RALYL: variants seen among roughly 807,000 people sequenced by gnomAD.
RALYL encodes the protein RNA-binding Raly-like protein.
RALYL carries 29 observed loss-of-function variants against 35.1 expected under a neutral mutation model. That is an observed-to-expected ratio of 0.83 (90% CI 0.61 to 1.13). RALYL has a LOEUF of 1.13. Ranked by LOEUF, RALYL falls within the 50% of genes most tolerant of loss-of-function variation. RALYL has a pLI of 0.00. For missense variants in RALYL, 359 were observed against 360.4 expected (o/e 1.00, Z 0.03); for synonymous variants, 120 against 127.6 (o/e 0.94, Z 0.40).
intron 2 of RALYL, among the ~76,000 whole-genome samples, chr8:84,539,863 T>C (rs1426890594): frequency 4.7e-5 from 4 of 85,002 alleles, no homozygotes; most frequent in Non-Finnish European, 9.6e-5. Context: ...TGTATATATA[T>C]ATATATATAT....
chr8:84,818,598 A>T (rs190175637), intron 4 of RALYL, among the ~76,000 whole-genome samples: 13 of 152,302 alleles, frequency 8.5e-5, no homozygotes, highest in Admixed American at 7.8e-4. Context: ...AAATTCAGGG[A>T]GAATCTGTAT....
chr8:84,677,026 T>C (rs1834354216), intron 2 of RALYL, among the ~76,000 whole-genome samples: 1 of 152,056 alleles, frequency 6.6e-6, no homozygotes, highest in African/African-American at 2.4e-5. Context: ...GGTCTCGAAC[T>C]CCCAACCTCA....
intron 2 of RALYL, among the ~76,000 whole-genome samples, chr8:84,636,277 T>C (rs1482648659): frequency 2.0e-5 from 3 of 151,782 alleles, no homozygotes; most frequent in African/African-American, 7.2e-5. Flanking sequence ...ATGTGGAATT[T>C]ATCACCCTTA....
At chr8:84,841,208 G>A (rs1044755844) in intron 4 of RALYL, among the ~76,000 whole-genome samples, 22 of 152,150 alleles carry the variant, frequency 1.4e-4, no homozygotes, top group Non-Finnish European at 2.8e-4. Context: ...TCAGTGTGCT[G>A]TATTCAGGAA....
chr8:84,918,184 A>T (rs1260375796), intron 8 of RALYL, among the ~76,000 whole-genome samples: 1 of 152,118 alleles, frequency 6.6e-6, no homozygotes, highest in Admixed American at 6.6e-5. Flanking sequence ...TAGAACAAAA[A>T]TAACAAGCAT....
rs182699107 is a variant in RALYL, at chr8:84,262,734, T to A, written c.-24+78310T>A. On this transcript the variant is annotated intron_variant, in intron 1 of 8. Coordinates refer to ENST00000521268, the MANE Select transcript of RALYL (RefSeq NM_173848.7). ...TATTAATGGGTCATGAAATCAACTT[T>A]GTTGGTTAAACTTGGCATTACCAAA... 7.2e-4 allele frequency among the ~76,000 whole-genome samples: 109 copies of A among 152,272 alleles called. 1 individual carries two copies. Among genetic ancestry groups the A allele is most frequent in the Admixed American group, 4.9e-3 (75 of 15,284 alleles).
chr8:84,443,234 C>A (rs1451934945), intron 1 of RALYL, among the ~76,000 whole-genome samples: 1 of 152,096 alleles, frequency 6.6e-6, no homozygotes, highest in Non-Finnish European at 1.5e-5. Flanking sequence ...TACCACCTAA[C>A]AAAGAGCTAG....
intron 1 of RALYL, among the ~76,000 whole-genome samples, chr8:84,338,864 A>T (rs1848282563): frequency 6.6e-6 from 1 of 152,146 alleles, no homozygotes; most frequent in South Asian, 2.1e-4. Context: ...TTTCCAAAAG[A>T]GTTTTATTTT....
chr8:84,728,874 G>A (rs1449707783), intron 2 of RALYL, among the ~76,000 whole-genome samples: 2 of 152,128 alleles, frequency 1.3e-5, no homozygotes, highest in African/African-American at 2.4e-5. Flanking sequence ...TTTGGTTACT[G>A]TAGCCTTGTA....
At chr8:84,818,558 A>T (rs186870205) in intron 4 of RALYL, among the ~76,000 whole-genome samples, 9 of 152,316 alleles carry the variant, frequency 5.9e-5, no homozygotes, top group Admixed American at 3.9e-4. Flanking sequence ...AGCTAGGAAG[A>T]TTCAGGAAAA....
At chr8:84,787,084 C>T (rs1314845190) in intron 3 of RALYL, among the ~76,000 whole-genome samples, 2 of 152,218 alleles carry the variant, frequency 1.3e-5, no homozygotes, top group Middle Eastern at 3.4e-3. Context: ...TAGGTATACA[C>T]ATGCTATGGT....
intron 2 of RALYL, among the ~76,000 whole-genome samples, chr8:84,594,521 G>C (rs944670265): frequency 5.3e-5 from 8 of 151,766 alleles, no homozygotes; most frequent in Non-Finnish European, 8.8e-5. Context: ...TATTTATATT[G>C]TTATTAATAA....
chr8:84,467,008 T>A (rs2051782522), intron 1 of RALYL, among the ~76,000 whole-genome samples: 1 of 152,240 alleles, frequency 6.6e-6, no homozygotes, highest in South Asian at 2.1e-4. Flanking sequence ...TCATTTTTTA[T>A]TGCATCTGTT....
intron 2 of RALYL, among the ~76,000 whole-genome samples, chr8:84,604,154 A>C (rs1468604616): frequency 6.6e-6 from 1 of 152,114 alleles, no homozygotes; most frequent in Non-Finnish European, 1.5e-5. Context: ...TTCTGACAGC[A>C]CAGCTTTAGA....
intron 1 of RALYL, among the ~76,000 whole-genome samples, chr8:84,377,466 T>C (rs1402701066): frequency 4.1e-5 from 6 of 147,672 alleles, no homozygotes; most frequent in Non-Finnish European, 8.9e-5. Flanking sequence ...TTTTTTTTTT[T>C]TTTTTTTTTC....
chr8:84,845,834 T>G (rs746019112), intron 4 of RALYL, among the ~76,000 whole-genome samples: 3 of 152,192 alleles, frequency 2.0e-5, no homozygotes, highest in Non-Finnish European at 2.9e-5. Context: ...TGGTGAAAGG[T>G]TGTGGTCTAG....
chr8:84,465,223 A>G (rs1339531993), intron 1 of RALYL, among the ~76,000 whole-genome samples: 53 of 122,526 alleles, frequency 4.3e-4, no homozygotes, highest in Middle Eastern at 3.9e-3. Context: ...GCCCATGCCT[A>G]TGTCCTGAAT....
In RALYL at chr8:84,497,498, T is replaced by C. The variant is rs995875174; in HGVS notation, c.-23-31801T>C. ...GGGTAGAGAAATTAACTTTCCACTT[T>C]TCATAATATGCCAAATTTCTAAGAT... On this transcript the variant is annotated intron_variant, in intron 1 of 8. Coordinates refer to ENST00000521268, the MANE Select transcript of RALYL (RefSeq NM_173848.7). 2.6e-5 allele frequency among the ~76,000 whole-genome samples: 4 copies of C among 152,148 alleles called. No individual in the cohort carries two copies. The East Asian group carries it at 5.8e-4, about 22-fold the overall frequency.
intron 1 of RALYL, among the ~76,000 whole-genome samples, chr8:84,384,694 T>C (rs186836416): frequency 2.4e-4 from 37 of 151,884 alleles, no homozygotes; most frequent in Admixed American, 2.1e-3. Flanking sequence ...TTTTTCTTAC[T>C]CTGTGAATTC....
Sources: allele counts gnomAD v4.1 joint callset (sites outside exome capture counted in the v4.1 genomes callset), GRCh38; gene constraint gnomAD v4.1.1; transcripts MANE v1.5; gene names NCBI Gene and HGNC (gene_info 2026-07-23, HGNC 2026-07-21).